SLC22A15: variants seen among roughly 807,000 people sequenced by gnomAD.
The protein encoded by SLC22A15 is flipt 1.
In SLC22A15, 45 loss-of-function variants were observed where a neutral mutation model predicts 62.7. That is an observed-to-expected ratio of 0.72 (90% CI 0.56 to 0.92). SLC22A15 has a LOEUF of 0.92. Among genes scored for constraint, SLC22A15 ranks in the 40% least tolerant of loss-of-function variants. The pLI is 0.00. For synonymous variants in SLC22A15, 264 were observed against 267.0 expected (o/e 0.99, Z 0.11); for missense variants, 622 against 665.6 (o/e 0.93, Z 0.72).
chr1:115,997,593 C>G (rs1655492022), intron 2 of SLC22A15, among the ~76,000 whole-genome samples: 1 of 152,020 alleles, frequency 6.6e-6, no homozygotes, highest in Non-Finnish European at 1.5e-5. Context: ...CTTGATTTCT[C>G]TTTCAGATTG....
At chr1:115,996,347 C>T (rs944012509) in intron 2 of SLC22A15, among the ~76,000 whole-genome samples, 13 of 152,094 alleles carry the variant, frequency 8.5e-5, no homozygotes, top group South Asian at 4.1e-4. Flanking sequence ...ATATATCTAC[C>T]GAAAAATATT....
At chr1:116,037,422 C>T (rs1657660004) in intron 8 of SLC22A15, 34 bp downstream of exon 8, 2 of 1,441,130 alleles carry the variant, frequency 1.4e-6, no homozygotes, top group Admixed American at 3.4e-5. Context: ...GGGTTTTGAA[C>T]AGTACTTTCA....
chr1:115,976,602 G>A lies in SLC22A15; in HGVS notation c.-26G>A. 1 of 1,544,962 alleles carries A rather than the reference G, an allele frequency of 6.5e-7. No individual in the cohort carries two copies. Among genetic ancestry groups the A allele is most frequent in the Non-Finnish European group, 8.7e-7 (1 of 1,146,456 alleles). Reference sequence around the variant, plus strand: ...GCAGCGCCTGAGAGGGCGGTGGGGTGGCGGGGTTCCTGCGCGCGGCCCGCC... The same window carrying A: ...GCAGCGCCTGAGAGGGCGGTGGGGTAGCGGGGTTCCTGCGCGCGGCCCGCC... On this transcript the variant is annotated 5_prime_UTR_variant, in exon 1 of 12. Transcript: ENST00000369503.
intron 2 of SLC22A15, among the ~76,000 whole-genome samples, chr1:116,010,668 G>A (rs1011700006): frequency 2.0e-5 from 3 of 152,150 alleles, no homozygotes; most frequent in South Asian, 2.1e-4. Context: ...ACAGGCCAGG[G>A]GAGGGCTGAA....
At chr1:116,060,171 G>C (rs951224612) in intron 8 of SLC22A15, among the ~76,000 whole-genome samples, 25 of 152,170 alleles carry the variant, frequency 1.6e-4, no homozygotes, top group African/African-American at 5.3e-4. Context: ...CCCACAGGCA[G>C]GAGTCCCAGA....
intron 8 of SLC22A15, among the ~76,000 whole-genome samples, chr1:116,057,337 C>T (rs9699455): frequency 8.6e-5 from 13 of 151,112 alleles, no homozygotes; most frequent in Non-Finnish European, 1.6e-4. Context: ...CAGAGAAATG[C>T]AAATCAAAAC....
chr1:116,031,695 G>A, intron 6 of SLC22A15, 114 bp downstream of exon 6: 1 of 1,494,972 alleles, frequency 6.7e-7, no homozygotes, highest in South Asian at 1.4e-5. Context: ...GTTAGCTTGA[G>A]GTTGTTTTCT....
At chr1:116,023,220 A>G (rs1656926116) in intron 4 of SLC22A15, among the ~76,000 whole-genome samples, 1 of 152,218 alleles carries the variant, frequency 6.6e-6, no homozygotes, top group Admixed American at 6.5e-5. Context: ...AACTGCAAGC[A>G]TCCATTTTTG....
rs558098361 is a variant in SLC22A15, at chr1:116,016,015, A to G, written c.301-3567A>G. Among the ~76,000 whole-genome samples, 4 of 152,080 alleles carry G rather than the reference A, an allele frequency of 2.6e-5. No individual in the cohort carries two copies. The East Asian group carries it at 7.7e-4, about 29-fold the overall frequency. On this transcript the variant is annotated intron_variant, in intron 2 of 11. Transcript: ENST00000369503. ...ATAAATTAATTTTTTACAAAACAAA[A>G]TTTTTTCTTCAAATGCTGGAGCTCT...
intron 8 of SLC22A15, among the ~76,000 whole-genome samples, chr1:116,040,282 C>T (rs544239417): frequency 1.3e-5 from 2 of 152,302 alleles, no homozygotes; most frequent in Admixed American, 1.3e-4. Flanking sequence ...AAATGTTCTC[C>T]TCTGGGAGTA....
At chr1:116,037,674 GA>G in intron 8 of SLC22A15, 1 of 278,202 alleles carries the variant, frequency 3.6e-6, no homozygotes. Flanking sequence ...TGATGATGAG[GA>G]GGACTGATTA....
chr1:116,052,554 G>C (rs923606306), intron 8 of SLC22A15, among the ~76,000 whole-genome samples: 3 of 152,190 alleles, frequency 2.0e-5, no homozygotes, highest in African/African-American at 7.2e-5. Flanking sequence ...GGAGAGCAGT[G>C]GTTCTCCCAG....
chr1:115,999,413 G>A (rs1436635970), intron 2 of SLC22A15, among the ~76,000 whole-genome samples: 2 of 151,296 alleles, frequency 1.3e-5, no homozygotes, highest in African/African-American at 4.9e-5. Context: ...AGCAACTATT[G>A]TATTGGGGTT....
intron 1 of SLC22A15, among the ~76,000 whole-genome samples, chr1:115,977,943 C>A (rs1040334633): frequency 6.6e-6 from 1 of 152,156 alleles, no homozygotes; most frequent in Non-Finnish European, 1.5e-5. Flanking sequence ...CTTTTTCTAG[C>A]CGAACAGTTC....
intron 2 of SLC22A15, among the ~76,000 whole-genome samples, chr1:116,018,945 C>T (rs1775708): frequency 0.91 from 138,792 of 152,278 alleles, 63,446 homozygotes; most frequent in Middle Eastern, 0.99. Context: ...ACTGTATGTG[C>T]ATACAACATT....
At chr1:116,012,424 A>G (rs1656317268) in intron 2 of SLC22A15, among the ~76,000 whole-genome samples, 1 of 39,774 alleles carries the variant, frequency 2.5e-5, no homozygotes, top group African/African-American at 4.6e-5. Context: ...CTTAAAAAGA[A>G]AAAAAAGAAA....
chr1:116,021,020 G>T (rs1454160998), intron 4 of SLC22A15, 135 bp downstream of exon 4: 48 of 799,340 alleles, frequency 6.0e-5, no homozygotes, highest in Non-Finnish European at 2.4e-5. Context: ...TTGCTTTTCT[G>T]ATTTGGTTCT....
At chr1:116,057,496 T>C (rs1025611425) in intron 8 of SLC22A15, among the ~76,000 whole-genome samples, 10 of 152,326 alleles carry the variant, frequency 6.6e-5, no homozygotes, top group African/African-American at 2.2e-4. Flanking sequence ...GAAGTCAGTG[T>C]GGCGATTCCT....
chr1:116,010,220 T>A (rs61018563), intron 2 of SLC22A15, among the ~76,000 whole-genome samples: 7,687 of 152,292 alleles, frequency 0.05, 667 homozygotes, highest in African/African-American at 0.18. Context: ...ACAATTATCA[T>A]GCTTAATTAA....
Sources: allele counts gnomAD v4.1 joint callset (sites outside exome capture counted in the v4.1 genomes callset), GRCh38; gene constraint gnomAD v4.1.1; transcripts MANE v1.5; gene names NCBI Gene and HGNC (gene_info 2026-07-23, HGNC 2026-07-21).